Variants in CDH3 observed in about 807,000 individuals in gnomAD.
CDH3 encodes cadherin 3, also known as cadherin-3.
In CDH3, 54 loss-of-function variants were observed where a neutral mutation model predicts 82.0. That is an observed-to-expected ratio of 0.66 (90% CI 0.53 to 0.83). The LOEUF is 0.83. Among genes scored for constraint, CDH3 ranks in the 40% least tolerant of loss-of-function variants. The pLI is 0.00. For synonymous variants in CDH3, 446 were observed against 437.9 expected (o/e 1.02, Z -0.23); for missense variants, 1,054 against 1,084.6 (o/e 0.97, Z 0.40).
At chr16:68,690,622 T>C (rs886486709) in intron 12 of CDH3, among the ~76,000 whole-genome samples, 4 of 136,428 alleles carry the variant, frequency 2.9e-5, no homozygotes, top group Middle Eastern at 6.1e-3. Flanking sequence ...AAAAAAAAAA[T>C]TGAAGGCCGG....
intron 8 of CDH3, among the ~76,000 whole-genome samples, chr16:68,681,487 C>T (rs894764625): frequency 6.6e-5 from 10 of 152,248 alleles, no homozygotes; most frequent in Admixed American, 5.9e-4. Flanking sequence ...GTGCCAATTA[C>T]ATCCTCCCCC....
chr16:68,724,316 A>G (rs1231522260), intron 2 of CDH3, among the ~76,000 whole-genome samples: 1 of 152,076 alleles, frequency 6.6e-6, no homozygotes, highest in Non-Finnish European at 1.5e-5. Flanking sequence ...TAGACTTTAC[A>G]TCAAGGATTC....
chr16:68,655,562 G>C (rs1478098631), intron 2 of CDH3, among the ~76,000 whole-genome samples: 2 of 152,084 alleles, frequency 1.3e-5, no homozygotes, highest in African/African-American at 4.8e-5. Context: ...ATTGAGGAGG[G>C]GCTGGGCATG....
At chr16:68,726,987 AG>A (rs1177305209) in intron 2 of CDH3, among the ~76,000 whole-genome samples, 1 of 152,208 alleles carries the variant, frequency 6.6e-6, no homozygotes, top group African/African-American at 2.4e-5. Context: ...TATGTCTGGG[AG>A]GACGTTTCCT....
chr16:68,671,095 A>G (rs1323858898), intron 2 of CDH3, among the ~76,000 whole-genome samples: 1 of 152,032 alleles, frequency 6.6e-6, no homozygotes, highest in Non-Finnish European at 1.5e-5. Flanking sequence ...ACAAAAAAGT[A>G]GTACATAAAT....
chr16:68,653,691 C>CTT (rs1249416453), intron 2 of CDH3, among the ~76,000 whole-genome samples: 114 of 136,972 alleles, frequency 8.3e-4, no homozygotes, highest in Middle Eastern at 7.8e-3. Context: ...TCTTTTCTTT[C>CTT]TTTTTTTTTT....
intron 7 of CDH3, 37 bp downstream of exon 7, chr16:68,680,011 C>G (rs1961169820): frequency 6.3e-7 from 1 of 1,598,182 alleles, no homozygotes; most frequent in Non-Finnish European, 8.6e-7. Context: ...CCTACCCAGA[C>G]TTGCCCAGGC....
chr16:68,676,463 C>T lies in CDH3; in HGVS notation c.239C>T (p.Thr80Ile), dbSNP rs761515421. 6.2e-7 allele frequency: 1 copy of T among 1,612,066 alleles called. No individual in the cohort carries two copies. The highest frequency in any genetic ancestry group is 2.2e-5 in the East Asian group (1 of 44,878). The part of the protein sequence containing the change: ...NDDFTVRNGE[T>I]VQERRSLKER... ...GACTTCACTGTGCGGAATGGCGAGA[C>T]AGTCCAGGTAAAATACCATGTCCAC... Residue 80 changes from threonine to isoleucine, a missense_variant, in exon 3 of 16, where the codon ACA becomes ATA. Thr to Ile is a moderately conservative substitution (Grantham distance 89). Coordinates refer to ENST00000264012, the MANE Select transcript of CDH3 (RefSeq NM_001793.6).
chr16:68,662,572 G>A lies in CDH3; in HGVS notation c.161-13813G>A, dbSNP rs143932028. Among the ~76,000 whole-genome samples, 42 of 138,854 alleles carry A rather than the reference G, an allele frequency of 3.0e-4. No homozygotes were observed. In the East Asian group the frequency reaches 9.3e-3, roughly 31 times the overall value. The allele number at this position is 138,854 out of a possible 152,430, so 91.1% of individuals were successfully genotyped here. A position where few individuals can be genotyped will look rare whatever the true frequency, so the allele number is the denominator to read the frequency against. On this transcript the variant is annotated intron_variant, in intron 2 of 15. Coordinates refer to ENST00000264012, the MANE Select transcript of CDH3 (RefSeq NM_001793.6). ...TTTTTTTTTTTTTTTTTTGGAGATG[G>A]AGTCTTGCTCTGTCGCCCAGGCTAG...
intron 2 of CDH3, chr16:68,652,092 G>A (rs1204936832): frequency 5.6e-6 from 1 of 178,968 alleles, no homozygotes; most frequent in African/African-American, 2.4e-5. Context: ...TGAGGTTGAG[G>A]AAGTCAGTGA....
chr16:68,678,304 C>A, intron 4 of CDH3, 27 bp downstream of exon 4: 3 of 1,613,082 alleles, frequency 1.9e-6, no homozygotes, highest in Non-Finnish European at 8.5e-7. Context: ...TCCTGGGAAG[C>A]ATTGGTGGCT....
chr16:68,651,316 T>C, intron 2 of CDH3: 1 of 551,160 alleles, frequency 1.8e-6, no homozygotes, highest in East Asian at 4.9e-5. Flanking sequence ...GCTGGCGCAC[T>C]TGTTTGTACC....
chr16:68,711,772 G>C (rs1007903035), intron 1 of CDH3, among the ~76,000 whole-genome samples: 2 of 152,192 alleles, frequency 1.3e-5, no homozygotes, highest in African/African-American at 4.8e-5. Flanking sequence ...GAGGGCGAGG[G>C]CATGGGCACT....
chr16:68,656,198 C>T (rs1960405584), intron 2 of CDH3, among the ~76,000 whole-genome samples: 1 of 151,952 alleles, frequency 6.6e-6, no homozygotes, highest in Non-Finnish European at 1.5e-5. Flanking sequence ...GGGGAAATCC[C>T]AGTTGTACCA....
chr16:68,706,598 G>A (rs1454684567), intron 1 of CDH3, among the ~76,000 whole-genome samples: 3 of 140,912 alleles, frequency 2.1e-5, no homozygotes, highest in Non-Finnish European at 4.5e-5. Flanking sequence ...TGTTGCCTAG[G>A]CTGGAGTGCA....
intron 7 of CDH3, 92 bp from the exon 8 acceptor site, chr16:68,680,876 C>T: frequency 7.1e-7 from 1 of 1,410,268 alleles, no homozygotes; most frequent in South Asian, 1.2e-5. Context: ...TCCTCTCCAT[C>T]CACACACCCA....
intron 9 of CDH3, among the ~76,000 whole-genome samples, chr16:68,684,141 A>C (rs1961325839): frequency 1.3e-5 from 2 of 151,524 alleles, no homozygotes; most frequent in Admixed American, 1.3e-4. Flanking sequence ...TGAAGTGGGA[A>C]GATAGCTTGA....
the CDH3 span, among the ~76,000 whole-genome samples, chr16:68,733,022 G>A: frequency 6.6e-6 from 1 of 152,114 alleles, no homozygotes; most frequent in East Asian, 1.9e-4. Context: ...GAACTGGAAA[G>A]GGAATGTATT....
intron 2 of CDH3, among the ~76,000 whole-genome samples, chr16:68,648,385 C>T (rs78158162): frequency 0.016 from 2,469 of 151,960 alleles, 20 homozygotes; most frequent in Non-Finnish European, 0.024. Context: ...TGTGGCTTCA[C>T]CAAGTCATCA....
Sources: gnomAD v4.1 joint callset for allele counts (sites outside exome capture counted in the v4.1 genomes callset) on GRCh38, gnomAD v4.1.1 for gene constraint, MANE v1.5 for transcripts, NCBI Gene and HGNC (gene_info 2026-07-23, HGNC 2026-07-21) for gene names.